Variants in ABTB3 observed in about 807,000 individuals in gnomAD.
ABTB3 encodes ankyrin repeat and BTB domain containing 3.
chr12:107,491,962 C>A, the ABTB3 span, among the ~76,000 whole-genome samples: 14 of 151,562 alleles, frequency 9.2e-5, no homozygotes, highest in Non-Finnish European at 2.1e-4. Flanking sequence ...CAGAGGGCTG[C>A]TGAGCAAGGA....
chr12:107,427,354 T>C, the ABTB3 span, among the ~76,000 whole-genome samples: 1 of 152,106 alleles, frequency 6.6e-6, no homozygotes, highest in South Asian at 2.1e-4. Flanking sequence ...CAATCACGGC[T>C]CACTGCAGTC....
chr12:107,605,625 G>T, the ABTB3 span, among the ~76,000 whole-genome samples: 2 of 152,234 alleles, frequency 1.3e-5, no homozygotes, highest in Non-Finnish European at 2.9e-5. Flanking sequence ...TTTATCCCCA[G>T]TGCACTGGAA....
the ABTB3 span, among the ~76,000 whole-genome samples, chr12:107,496,886 T>G: frequency 6.6e-6 from 1 of 152,168 alleles, no homozygotes; most frequent in Non-Finnish European, 1.5e-5. Context: ...CTGCTCTGTC[T>G]TATTGTACCG....
At chr12:107,517,451 C>T in the ABTB3 span, among the ~76,000 whole-genome samples, 1 of 152,106 alleles carries the variant, frequency 6.6e-6, no homozygotes. Context: ...CTATAAATTA[C>T]CTTGGGCAGT....
At chr12:107,408,402 GT>G in the ABTB3 span, among the ~76,000 whole-genome samples, 1 of 152,186 alleles carries the variant, frequency 6.6e-6, no homozygotes, top group Non-Finnish European at 1.5e-5. Context: ...TCAGGAAATG[GT>G]TTAAACACCC....
At chr12:107,466,657 A>G in the ABTB3 span, among the ~76,000 whole-genome samples, 1 of 151,926 alleles carries the variant, frequency 6.6e-6, no homozygotes, top group Non-Finnish European at 1.5e-5. Context: ...GGGAATTTGG[A>G]CTTCTGCATG....
the ABTB3 span, among the ~76,000 whole-genome samples, chr12:107,537,159 A>G: frequency 2.5e-4 from 37 of 148,042 alleles, no homozygotes; most frequent in South Asian, 7.0e-3. Context: ...TTCTTTGTAT[A>G]TGGAATCTTA....
At chr12:107,487,796 G>T in the ABTB3 span, among the ~76,000 whole-genome samples, 2 of 152,142 alleles carry the variant, frequency 1.3e-5, no homozygotes, top group Admixed American at 1.3e-4. Flanking sequence ...CGTTAGAAAG[G>T]AAGGACACTG....
chr12:107,472,339 G>A, the ABTB3 span, among the ~76,000 whole-genome samples: 12 of 152,146 alleles, frequency 7.9e-5, no homozygotes, highest in East Asian at 5.8e-4. Context: ...AAACGGAACC[G>A]GGGAAGGGAT....
At chr12:107,349,862 A>C in the ABTB3 span, among the ~76,000 whole-genome samples, 1 of 152,234 alleles carries the variant, frequency 6.6e-6, no homozygotes, top group Non-Finnish European at 1.5e-5. Context: ...CTGAAGGGCA[A>C]TTTGACTGAT....
chr12:107,521,215 C>T, the ABTB3 span, among the ~76,000 whole-genome samples: 4 of 151,590 alleles, frequency 2.6e-5, no homozygotes, highest in African/African-American at 9.7e-5. Context: ...AGGGTGGCAC[C>T]AGTCCGAGTT....
chr12:107,618,402 CGGGCACCATG>C, the ABTB3 span: 1 of 1,587,766 alleles, frequency 6.3e-7, no homozygotes, highest in East Asian at 2.3e-5. Flanking sequence ...CCCTCCACCA[CGGGCACCATG>C]GTGCCCCCAG....
the ABTB3 span, among the ~76,000 whole-genome samples, chr12:107,424,355 C>T: frequency 7.9e-5 from 12 of 152,208 alleles, no homozygotes; most frequent in African/African-American, 2.9e-4. Context: ...TGCAGGTAAA[C>T]ATCAAGGTGG....
chr12:107,505,068 A>G, the ABTB3 span, among the ~76,000 whole-genome samples: 1 of 152,222 alleles, frequency 6.6e-6, no homozygotes, highest in Non-Finnish European at 1.5e-5. Flanking sequence ...GCACAGCTAC[A>G]TTTATTTCAG....
chr12:107,396,582 A>AT, the ABTB3 span, among the ~76,000 whole-genome samples: 35 of 65,494 alleles, frequency 5.3e-4, no homozygotes, highest in Middle Eastern at 0.045. Flanking sequence ...ACAAAGATGA[A>AT]TTTTTTTTTT....
chr12:107,575,432 C>A, the ABTB3 span, among the ~76,000 whole-genome samples: 6 of 152,196 alleles, frequency 3.9e-5, no homozygotes, highest in East Asian at 1.2e-3. Context: ...TTCCAATAAC[C>A]CTGTTTATTT....
the ABTB3 span, among the ~76,000 whole-genome samples, chr12:107,415,973 GA>G: frequency 1.5e-4 from 22 of 148,134 alleles, no homozygotes; most frequent in Admixed American, 6.7e-4. Context: ...GAATTTGAAA[GA>G]AAAAAAAAAG....
chr12:107,452,835 C>A, the ABTB3 span, among the ~76,000 whole-genome samples: 1 of 152,086 alleles, frequency 6.6e-6, no homozygotes, highest in Non-Finnish European at 1.5e-5. Context: ...GAGTGAAACT[C>A]CATCTCAAAA....
the ABTB3 span, among the ~76,000 whole-genome samples, chr12:107,574,226 C>T: frequency 2.6e-5 from 4 of 152,164 alleles, no homozygotes; most frequent in South Asian, 4.1e-4. Context: ...GAACCAGGCT[C>T]GGCCAATCTG....
Sources: allele counts gnomAD v4.1 joint callset (sites outside exome capture counted in the v4.1 genomes callset), GRCh38; gene constraint gnomAD v4.1.1; transcripts MANE v1.5; gene names NCBI Gene and HGNC (gene_info 2026-07-23, HGNC 2026-07-21).